DPYD: variants seen among roughly 807,000 people sequenced by gnomAD.
The protein encoded by DPYD is dihydropyrimidine dehydrogenase [NADP(+)].
A neutral mutation model predicts 116.2 loss-of-function variants in DPYD; 109 were observed. That is an observed-to-expected ratio of 0.94 (90% CI 0.80 to 1.10). The LOEUF (loss-of-function observed/expected upper bound fraction) is 1.10, where lower values mean the gene tolerates loss of function less well. DPYD is among the 50% of genes least tolerant of loss of function. The pLI is 0.00. For synonymous variants in DPYD, 440 were observed against 432.0 expected (o/e 1.02, Z -0.23); for missense variants, 1,302 against 1,254.5 (o/e 1.04, Z -0.57).
intron 14 of DPYD, among the ~76,000 whole-genome samples, chr1:97,402,093 G>A (rs1673409522): frequency 6.6e-6 from 1 of 152,050 alleles, no homozygotes; most frequent in African/African-American, 2.4e-5. Flanking sequence ...TCAATATTGT[G>A]TTAGCTATTC....
chr1:97,669,751 C>G (rs1233866504), intron 8 of DPYD, among the ~76,000 whole-genome samples: 1 of 152,084 alleles, frequency 6.6e-6, no homozygotes, highest in African/African-American at 2.4e-5. Flanking sequence ...CATAAATTAT[C>G]CCCCAAAATT....
At chr1:97,394,997 T>A (rs1234822007) in intron 14 of DPYD, among the ~76,000 whole-genome samples, 1 of 151,956 alleles carries the variant, frequency 6.6e-6, no homozygotes, top group South Asian at 2.1e-4. Context: ...GCATTTGGAT[T>A]TGAATTTTCG....
intron 20 of DPYD, among the ~76,000 whole-genome samples, chr1:97,148,003 G>A (rs1654753169): frequency 1.3e-5 from 2 of 152,140 alleles, no homozygotes; most frequent in Admixed American, 6.5e-5. Context: ...AGGGAGATAA[G>A]TGCAAGGCAA....
intron 1 of DPYD, among the ~76,000 whole-genome samples, chr1:97,919,794 T>C (rs986696105): frequency 6.6e-6 from 1 of 152,198 alleles, no homozygotes; most frequent in Non-Finnish European, 1.5e-5. Context: ...TAATACACTT[T>C]GGCTCTTGTT....
intron 4 of DPYD, among the ~76,000 whole-genome samples, chr1:97,736,137 A>C (rs1663928387): frequency 6.6e-6 from 1 of 152,100 alleles, no homozygotes; most frequent in African/African-American, 2.4e-5. Context: ...AAATCATGGT[A>C]AAATTGTTTA....
chr1:97,800,364 A>C (rs1256789175), intron 3 of DPYD, among the ~76,000 whole-genome samples: 1 of 151,862 alleles, frequency 6.6e-6, no homozygotes, highest in Non-Finnish European at 1.5e-5. Context: ...TTCTTCCATC[A>C]TGCCTTTCTT....
chr1:97,916,799 A>G (rs898976160), intron 1 of DPYD, among the ~76,000 whole-genome samples: 2 of 152,180 alleles, frequency 1.3e-5, no homozygotes, highest in Non-Finnish European at 2.9e-5. Context: ...CTTGAGCCCA[A>G]GAGTACAAGG....
At chr1:97,455,702 C>T (rs145298194) in intron 13 of DPYD, among the ~76,000 whole-genome samples, 20 of 151,968 alleles carry the variant, frequency 1.3e-4, no homozygotes, top group African/African-American at 4.8e-4. Flanking sequence ...TATGAAAGAA[C>T]TCACTAACAT....
chr1:97,376,887 G>GTGTGTGTGTGTGTGTGTGTGTA, intron 15 of DPYD, among the ~76,000 whole-genome samples: 3 of 128,438 alleles, frequency 2.3e-5, no homozygotes, highest in African/African-American at 2.8e-5. Context: ...GTGTGTGTGT[G>GTGTGTGTGTGTGTGTGTGTGTA]TATATATATA....
At chr1:97,612,267 A>C (rs1162402807) in intron 8 of DPYD, among the ~76,000 whole-genome samples, 4 of 152,082 alleles carry the variant, frequency 2.6e-5, no homozygotes, top group African/African-American at 9.7e-5. Context: ...ATAAATAGAA[A>C]ATCAAGTTAT....
chr1:97,669,925 AC>A (rs1659765997), intron 8 of DPYD, among the ~76,000 whole-genome samples: 1 of 152,096 alleles, frequency 6.6e-6, no homozygotes, highest in African/African-American at 2.4e-5. Flanking sequence ...TCTTCAGTTC[AC>A]CAAACTTTAC....
At chr1:97,692,911 C>T (rs986936232) in intron 6 of DPYD, among the ~76,000 whole-genome samples, 1 of 152,076 alleles carries the variant, frequency 6.6e-6, no homozygotes, top group Non-Finnish European at 1.5e-5. Context: ...TCCCAAAGTA[C>T]AGCCTTTTCA....
intron 3 of DPYD, among the ~76,000 whole-genome samples, chr1:97,769,785 T>C (rs968273989): frequency 2.0e-5 from 3 of 152,162 alleles, no homozygotes; most frequent in Non-Finnish European, 1.5e-5. Context: ...TAGAAAATTA[T>C]AGGAAACATT....
chr1:97,349,940 G>C (rs967368159), intron 16 of DPYD, among the ~76,000 whole-genome samples: 1 of 30,900 alleles, frequency 3.2e-5, no homozygotes, highest in African/African-American at 7.3e-5. Flanking sequence ...GATTCTAAAA[G>C]AATCCAAAAA....
rs144395748 is a variant in DPYD, at chr1:97,549,726, G to C, written c.1358C>G (p.Pro453Arg). Residue 453 changes from proline to arginine, a missense_variant, in exon 12 of 23, where the codon CCT becomes CGT. Coordinates refer to ENST00000370192, the MANE Select transcript of DPYD (RefSeq NM_000110.4). ...SDPKVKEALS[P>R]IKFNRWGLPE... is the part of the protein sequence containing the mutation. ...GAGACCCCATCTGTTAAATTTTATA[G>C]GGCTCAAGGCTTCTTTTACTGAAAA... 5.3e-5 allele frequency: 86 copies of C among 1,613,562 alleles called. No homozygotes were observed. In the African/African-American group the frequency reaches 1.0e-3, roughly 20 times the overall value.
intron 14 of DPYD, among the ~76,000 whole-genome samples, chr1:97,404,783 A>G (rs991651455): frequency 6.6e-6 from 1 of 152,114 alleles, no homozygotes; most frequent in Non-Finnish European, 1.5e-5. Flanking sequence ...GATATTCAAA[A>G]TAAGTATTGA....
At chr1:97,311,352 T>G (rs1667505735) in intron 16 of DPYD, among the ~76,000 whole-genome samples, 1 of 151,748 alleles carries the variant, frequency 6.6e-6, no homozygotes, top group Non-Finnish European at 1.5e-5. Flanking sequence ...TCGTTCAACA[T>G]AGCATACTTC....
chr1:97,182,978 T>C (rs1181466647), intron 20 of DPYD, among the ~76,000 whole-genome samples: 1 of 152,182 alleles, frequency 6.6e-6, no homozygotes, highest in Non-Finnish European at 1.5e-5. Context: ...TCCCAATCTG[T>C]GACTTGAGTT....
chr1:97,401,647 A>G (rs953029180), intron 14 of DPYD, among the ~76,000 whole-genome samples: 2 of 152,102 alleles, frequency 1.3e-5, no homozygotes, highest in Admixed American at 1.3e-4. Context: ...CCAGCGTATC[A>G]ATAATTTCTT....
Sources: allele counts gnomAD v4.1 joint callset (sites outside exome capture counted in the v4.1 genomes callset), GRCh38; gene constraint gnomAD v4.1.1; transcripts MANE v1.5; gene names NCBI Gene and HGNC (gene_info 2026-07-23, HGNC 2026-07-21).